CDH18: variants seen among roughly 807,000 people sequenced by gnomAD.
CDH18 encodes the protein cadherin-18.
CDH18 carries 31 observed loss-of-function variants against 67.9 expected under a neutral mutation model. The observed-to-expected ratio is 0.46, with a 90% CI of 0.34 to 0.62. The LOEUF (loss-of-function observed/expected upper bound fraction) is 0.62. Ranked by LOEUF, CDH18 falls within the 20% of genes least tolerant of loss-of-function variation. CDH18 has a pLI of 0.01. For synonymous variants in CDH18, 362 were observed against 347.2 expected, an observed-to-expected ratio of 1.04 and a Z score of -0.48; for missense variants, 890 against 975.5, an observed-to-expected ratio of 0.91 and a Z score of 1.17.
intron 1 of CDH18, among the ~76,000 whole-genome samples, chr5:20,360,072 G>T (rs1200238534): frequency 7.2e-6 from 1 of 138,338 alleles, no homozygotes; most frequent in East Asian, 2.3e-4. Flanking sequence ...TTATATTATT[G>T]TAACTATAAT....
At chr5:20,151,184 T>G (rs1374645797) in intron 2 of CDH18, among the ~76,000 whole-genome samples, 1 of 152,082 alleles carries the variant, frequency 6.6e-6, no homozygotes, top group East Asian at 1.9e-4. Context: ...TAGTGTCTAT[T>G]GATTTTATAT....
intron 10 of CDH18, among the ~76,000 whole-genome samples, chr5:19,508,406 A>G (rs1744577487): frequency 6.6e-6 from 1 of 152,158 alleles, no homozygotes; most frequent in East Asian, 1.9e-4. Flanking sequence ...CTTTAGTAAT[A>G]TAAAATCCCT....
At chr5:19,624,834 A>G (rs114109440) in intron 5 of CDH18, among the ~76,000 whole-genome samples, 2,051 of 152,290 alleles carry the variant, frequency 0.013, 42 homozygotes, top group African/African-American at 0.046. Flanking sequence ...TTAAGGTTGC[A>G]TGCTACACTG....
intron 2 of CDH18, among the ~76,000 whole-genome samples, chr5:19,850,245 T>G (rs1783534895): frequency 6.6e-6 from 1 of 151,940 alleles, no homozygotes; most frequent in Non-Finnish European, 1.5e-5. Context: ...ATTCGACTCA[T>G]ATTTATTTTT....
intron 3 of CDH18, among the ~76,000 whole-genome samples, chr5:19,797,359 T>C (rs1776969385): frequency 6.6e-6 from 1 of 151,900 alleles, no homozygotes; most frequent in African/African-American, 2.4e-5. Flanking sequence ...GAAAATAAAA[T>C]ACTTAAAGAT....
intron 7 of CDH18, among the ~76,000 whole-genome samples, chr5:19,581,223 T>C (rs975885514): frequency 1.3e-5 from 2 of 151,962 alleles, no homozygotes; most frequent in African/African-American, 4.8e-5. Context: ...TGACACTGAT[T>C]TTCATTTTAA....
At chr5:20,108,932 G>GT (rs564685481) in intron 2 of CDH18, among the ~76,000 whole-genome samples, 5 of 152,294 alleles carry the variant, frequency 3.3e-5, no homozygotes, top group Admixed American at 6.5e-5. Context: ...TTCCTCACAT[G>GT]TATGTAATAA....
At chr5:20,043,507 C>G (rs992697875) in intron 2 of CDH18, among the ~76,000 whole-genome samples, 1 of 152,180 alleles carries the variant, frequency 6.6e-6, no homozygotes, top group Admixed American at 6.5e-5. Flanking sequence ...CTGCTCACCC[C>G]CTCCACAAAG....
At chr5:19,959,346 C>A (rs7716377) in intron 2 of CDH18, among the ~76,000 whole-genome samples, 1 of 151,642 alleles carries the variant, frequency 6.6e-6, no homozygotes, top group Non-Finnish European at 1.5e-5. Context: ...AGAAGATATA[C>A]TAATGTATAT....
At chr5:19,556,331 G>C (rs1314158178) in intron 8 of CDH18, among the ~76,000 whole-genome samples, 2 of 151,836 alleles carry the variant, frequency 1.3e-5, no homozygotes. Flanking sequence ...AATCAAGGAA[G>C]CACTAGAGAA....
intron 1 of CDH18, among the ~76,000 whole-genome samples, chr5:20,428,123 G>A: frequency 6.6e-6 from 1 of 150,744 alleles, no homozygotes; most frequent in East Asian, 1.9e-4. Context: ...AGGCCCTGGT[G>A]TGTGATGTTC....
In CDH18 at chr5:19,472,925, TATC is replaced by T. The variant is rs752707097; in HGVS notation, c.*298_*300del. 2 of 247,054 alleles carry T rather than the reference TATC, an allele frequency of 8.1e-6. No homozygotes were observed. Among genetic ancestry groups the T allele is most frequent in the East Asian group, 8.6e-5 (1 of 11,612 alleles). The allele number at this position is 247,054 out of a possible 1,614,324, so 15.3% of individuals were successfully genotyped here. A position where few individuals can be genotyped will look rare whatever the true frequency, so the allele number is the denominator to read the frequency against. ...ATAAATCACAATATATTGAAACAAA[TATC>T]ATTGTTTGGCTTAATTCAGGTATTC... On this transcript the variant is annotated 3_prime_UTR_variant, in exon 13 of 13. Coordinates refer to ENST00000382275, the MANE Select transcript of CDH18 (RefSeq NM_004934.5).
At chr5:19,573,056 C>T (rs1243078812) in intron 7 of CDH18, among the ~76,000 whole-genome samples, 1 of 152,112 alleles carries the variant, frequency 6.6e-6, no homozygotes, top group African/African-American at 2.4e-5. Context: ...TAAGCCACTA[C>T]AATATTTTAC....
intron 2 of CDH18, among the ~76,000 whole-genome samples, chr5:20,142,490 G>GA (rs1561825358): frequency 6.6e-6 from 1 of 151,412 alleles, no homozygotes; most frequent in East Asian, 2.0e-4. Context: ...AGAGGCACGA[G>GA]AATCACTTTA....
intron 1 of CDH18, among the ~76,000 whole-genome samples, chr5:20,550,210 T>C (rs1235404159): frequency 1.3e-5 from 2 of 152,200 alleles, no homozygotes; most frequent in Non-Finnish European, 2.9e-5. Flanking sequence ...GGTAAACTGT[T>C]ATGCTATTGC....
chr5:20,423,165 T>A (rs534015466), intron 1 of CDH18, among the ~76,000 whole-genome samples: 15 of 151,370 alleles, frequency 9.9e-5, no homozygotes, highest in Non-Finnish European at 1.9e-4. Context: ...CCTTCTCCAG[T>A]TCAGCTCTGG....
At chr5:19,554,978 T>C (rs1391601290) in intron 8 of CDH18, among the ~76,000 whole-genome samples, 1 of 152,204 alleles carries the variant, frequency 6.6e-6, no homozygotes, top group Non-Finnish European at 1.5e-5. Flanking sequence ...GTTACTATAA[T>C]GGAGGAAATG....
At chr5:20,328,620 C>T (rs903111494) in intron 1 of CDH18, among the ~76,000 whole-genome samples, 11 of 151,848 alleles carry the variant, frequency 7.2e-5, no homozygotes, top group Non-Finnish European at 1.5e-4. Flanking sequence ...ACTATTCTTC[C>T]TTCACCCCAT....
At chr5:20,320,310 C>G (rs912736531) in intron 1 of CDH18, among the ~76,000 whole-genome samples, 1 of 151,984 alleles carries the variant, frequency 6.6e-6, no homozygotes, top group Non-Finnish European at 1.5e-5. Context: ...TTGGTTTTCT[C>G]TAAGAATCAG....
Sources: gnomAD v4.1 joint callset for allele counts (sites outside exome capture counted in the v4.1 genomes callset) on GRCh38, gnomAD v4.1.1 for gene constraint, MANE v1.5 for transcripts, NCBI Gene and HGNC (gene_info 2026-07-23, HGNC 2026-07-21) for gene names.